Variants in SLCO4C1 observed in about 807,000 individuals in gnomAD.
SLCO4C1 encodes the protein organic anion transporter M1.
SLCO4C1 carries 58 observed loss-of-function variants against 72.1 expected under a neutral mutation model. That is an observed-to-expected ratio of 0.80 (90% confidence interval 0.65 to 1.00). SLCO4C1 has a LOEUF of 1.00. Among genes scored for constraint, SLCO4C1 ranks in the 50% least tolerant of loss-of-function variants. SLCO4C1 has a pLI of 0.00. For synonymous variants in SLCO4C1, 297 were observed against 312.5 expected, an observed-to-expected ratio of 0.95 and a Z score of 0.52; for missense variants, 898 against 857.9, an observed-to-expected ratio of 1.05 and a Z score of -0.58.
chr5:102,261,685 T>C (rs115472002), intron 5 of SLCO4C1, among the ~76,000 whole-genome samples: 1 of 152,120 alleles, frequency 6.6e-6, no homozygotes, highest in African/African-American at 2.4e-5. Flanking sequence ...ACTAAAGAGG[T>C]AAATATTCAT....
chr5:102,267,583 G>GTT (rs543701401), intron 3 of SLCO4C1, among the ~76,000 whole-genome samples: 15,918 of 132,464 alleles, frequency 0.12, 1,071 homozygotes, highest in African/African-American at 0.16. Context: ...ATCTTCTGTA[G>GTT]TTTTTTTTTT....
In SLCO4C1 at chr5:102,270,867, A is replaced by T. The variant is rs1032157138; in HGVS notation, c.620-61T>A. The T allele has an allele frequency of 1.5e-5, 20 of 1,322,682 alleles. No individual in the cohort carries two copies. The South Asian group carries it at 1.7e-4, about 11-fold the overall frequency. 81.9% of individuals were successfully genotyped at this position (1,322,682 alleles called of 1,614,324 possible). A position where few individuals can be genotyped will look rare whatever the true frequency, so the allele number is the denominator to read the frequency against. ...TCAGCTAATAATTTAAATTTCTATC[A>T]TATAAATTACACTTGCCTAATATAA... On this transcript the variant is annotated intron_variant, in intron 2 of 12. Coordinates refer to ENST00000310954, the MANE Select transcript of SLCO4C1 (RefSeq NM_180991.5).
At chr5:102,251,031 A>G (rs1429314066) in intron 8 of SLCO4C1, among the ~76,000 whole-genome samples, 1 of 152,056 alleles carries the variant, frequency 6.6e-6, no homozygotes, top group African/African-American at 2.4e-5. Context: ...CAAGTAAGCC[A>G]GTCAAATGGG....
chr5:102,246,220 A>G (rs1748633554), intron 10 of SLCO4C1, among the ~76,000 whole-genome samples: 2 of 152,020 alleles, frequency 1.3e-5, no homozygotes, highest in South Asian at 4.1e-4. Context: ...AAACAATACC[A>G]ATGATCAATG....
At chr5:102,247,928 T>A in intron 9 of SLCO4C1, among the ~76,000 whole-genome samples, 1 of 149,234 alleles carries the variant, frequency 6.7e-6, no homozygotes, top group African/African-American at 2.4e-5. Context: ...TTTTTTTTTT[T>A]TTTTTTTTTT....
At chr5:102,287,731 T>C (rs1436163317) in intron 2 of SLCO4C1, among the ~76,000 whole-genome samples, 2 of 151,852 alleles carry the variant, frequency 1.3e-5, no homozygotes, top group Non-Finnish European at 2.9e-5. Flanking sequence ...TCTTTTTGTA[T>C]TTTTAGTAGA....
At chr5:102,270,979 C>G (rs1338208218) in intron 2 of SLCO4C1, among the ~76,000 whole-genome samples, 173 bp from the exon 3 acceptor site, 5 of 152,068 alleles carry the variant, frequency 3.3e-5, no homozygotes, top group Non-Finnish European at 5.9e-5. Flanking sequence ...TTTCTTACCC[C>G]AGCCTGCCCT....
chr5:102,270,866 C>A, intron 2 of SLCO4C1, 60 bp from the exon 3 acceptor site: 1 of 1,312,100 alleles, frequency 7.6e-7, no homozygotes, highest in Admixed American at 2.3e-5. Context: ...AAATTTCTAT[C>A]ATATAAATTA....
At chr5:102,274,708 C>T (rs965114576) in intron 2 of SLCO4C1, among the ~76,000 whole-genome samples, 15 of 152,304 alleles carry the variant, frequency 9.8e-5, no homozygotes, top group Middle Eastern at 3.4e-3. Flanking sequence ...CCCCAGTTAC[C>T]TGCATCAGGT....
At chr5:102,267,053 T>C (rs1749054807) in intron 3 of SLCO4C1, among the ~76,000 whole-genome samples, 1 of 152,184 alleles carries the variant, frequency 6.6e-6, no homozygotes, top group South Asian at 2.1e-4. Context: ...GGAATTTGTA[T>C]CTATGTTCAT....
intron 2 of SLCO4C1, among the ~76,000 whole-genome samples, chr5:102,288,928 A>C (rs1218669278): frequency 6.6e-6 from 1 of 152,048 alleles, no homozygotes; most frequent in Non-Finnish European, 1.5e-5. Flanking sequence ...ATTTCTTCCC[A>C]CTAGTACATA....
intron 2 of SLCO4C1, among the ~76,000 whole-genome samples, chr5:102,278,594 T>G (rs964494697): frequency 1.3e-5 from 2 of 151,992 alleles, no homozygotes; most frequent in African/African-American, 4.8e-5. Flanking sequence ...CGCCATAGAG[T>G]AAACCTTAAT....
At chr5:102,241,072 T>C (rs1748531262) in intron 10 of SLCO4C1, among the ~76,000 whole-genome samples, 1 of 152,022 alleles carries the variant, frequency 6.6e-6, no homozygotes, top group Non-Finnish European at 1.5e-5. Context: ...ATATTTTCCA[T>C]AAAAGTCATC....
In SLCO4C1 at chr5:102,296,143, T is replaced by G; in HGVS notation, c.120A>C (p.Gln40His). ...GCTCCTGTGGCTGAGAATTCTCTCTTTGGGGGTCAGAGGACAAGGCAGAGA... is the reference window on the plus strand; with the variant it reads ...GCTCCTGTGGCTGAGAATTCTCTCTGTGGGGGTCAGAGGACAAGGCAGAGA... ...IEVSALSSDP[Q>H]RENSQPQELQ... Residue 40 changes from glutamine to histidine, a missense_variant, in exon 1 of 13, where the codon CAA becomes CAC. Coordinates refer to ENST00000310954, the MANE Select transcript of SLCO4C1 (RefSeq NM_180991.5). 6.2e-7 allele frequency: 1 copy of G among 1,614,018 alleles called. No homozygotes were observed. Among genetic ancestry groups the G allele is most frequent in the Non-Finnish European group, 8.5e-7 (1 of 1,179,950 alleles).
At chr5:102,267,982 T>A (rs907849903) in intron 3 of SLCO4C1, among the ~76,000 whole-genome samples, 1 of 152,074 alleles carries the variant, frequency 6.6e-6, no homozygotes, top group South Asian at 2.1e-4. Flanking sequence ...TATTTAAAAG[T>A]TTTTTGAGAC....
chr5:102,275,137 A>G (rs1036212493), intron 2 of SLCO4C1, among the ~76,000 whole-genome samples: 2 of 97,832 alleles, frequency 2.0e-5, no homozygotes, highest in African/African-American at 5.5e-5. Flanking sequence ...ATGAAGTAAA[A>G]GAAAAGAAAT....
intron 11 of SLCO4C1, among the ~76,000 whole-genome samples, chr5:102,240,173 C>T (rs961933311): frequency 3.9e-5 from 6 of 152,152 alleles, no homozygotes; most frequent in Middle Eastern, 3.4e-3. Context: ...GCAAGTTGGA[C>T]GAGGTGATCT....
At chr5:102,268,916 TGCTGGA>T (rs1749096905) in intron 3 of SLCO4C1, among the ~76,000 whole-genome samples, 1 of 152,146 alleles carries the variant, frequency 6.6e-6, no homozygotes, top group Non-Finnish European at 1.5e-5. Flanking sequence ...AGAATAGCTT[TGCTGGA>T]TATAGTATTC....
At chr5:102,279,809 GA>G (rs902379386) in intron 2 of SLCO4C1, among the ~76,000 whole-genome samples, 2 of 151,774 alleles carry the variant, frequency 1.3e-5, no homozygotes, top group Admixed American at 6.6e-5. Context: ...GATTGAAGAA[GA>G]AAAAAATCGC....
Sources: gnomAD v4.1 joint callset for allele counts (sites outside exome capture counted in the v4.1 genomes callset) on GRCh38, gnomAD v4.1.1 for gene constraint, MANE v1.5 for transcripts, NCBI Gene and HGNC (gene_info 2026-07-23, HGNC 2026-07-21) for gene names.